Variants in PRKRIP1 observed in about 807,000 individuals in gnomAD.
The protein encoded by PRKRIP1 is PRKR interacting protein 1, also known as PRKR-interacting protein 1.
A neutral mutation model predicts 29.3 loss-of-function variants in PRKRIP1; 29 were observed. The observed-to-expected ratio is 0.99, with a 90% CI of 0.74 to 1.35. The LOEUF (loss-of-function observed/expected upper bound fraction) is 1.35, where lower values mean the gene tolerates loss of function less well. PRKRIP1 is among the 40% of genes most tolerant of loss of function. The probability of loss-of-function intolerance (pLI) is 0.00; values close to 1 mark genes in which losing one functional copy is unlikely to be tolerated. For missense variants in PRKRIP1, 247 were observed against 236.8 expected (o/e 1.04, Z -0.28); for synonymous variants, 90 against 85.1 (o/e 1.06, Z -0.32).
At chr7:102,414,903 T>A (rs1357079853) in intron 5 of PRKRIP1, among the ~76,000 whole-genome samples, 6 of 151,084 alleles carry the variant, frequency 4.0e-5, no homozygotes, top group South Asian at 4.2e-4. Flanking sequence ...AAAAAAAAAA[T>A]AATAATAAAG....
At chr7:102,419,282 C>A (rs530515061) in intron 5 of PRKRIP1, among the ~76,000 whole-genome samples, 1 of 151,946 alleles carries the variant, frequency 6.6e-6, no homozygotes, top group South Asian at 2.1e-4. Flanking sequence ...GGCACTGTGG[C>A]GGGCACCTGT....
At position 102,421,766 on chromosome 7, in the gene PRKRIP1, T is replaced by C. The variant is rs534540887; in HGVS notation, c.458-3248T>C. 1.2e-3 allele frequency among the ~76,000 whole-genome samples: 177 copies of C among 151,032 alleles called. 1 individual carries two copies. Among genetic ancestry groups the C allele is most frequent in the African/African-American group, 4.2e-3 (171 of 41,052 alleles). Reference sequence around the variant, plus strand: ...GAGCCAAGATCGCGCCACTGCCCTCTAGCCTGGTGACAGTGTGAGACCCCG... The same window carrying C: ...GAGCCAAGATCGCGCCACTGCCCTCCAGCCTGGTGACAGTGTGAGACCCCG... On this transcript the variant is annotated intron_variant, in intron 5 of 5. Transcript: ENST00000397912.
intron 3 of PRKRIP1, among the ~76,000 whole-genome samples, chr7:102,403,165 G>A (rs1213923600): frequency 6.6e-6 from 1 of 152,142 alleles, no homozygotes; most frequent in South Asian, 2.1e-4. Flanking sequence ...GTGAGCCACC[G>A]CACCCGGACT....
At chr7:102,408,938 C>T (rs1554572218) in intron 5 of PRKRIP1, among the ~76,000 whole-genome samples, 1 of 151,574 alleles carries the variant, frequency 6.6e-6, no homozygotes, top group Non-Finnish European at 1.5e-5. Flanking sequence ...CTTTGGGAAG[C>T]CAAGGCGAGT....
intron 5 of PRKRIP1, chr7:102,423,349 C>CAG: frequency 2.7e-6 from 1 of 367,862 alleles, no homozygotes; most frequent in South Asian, 2.0e-5. Context: ...CTCCTGACCT[C>CAG]GTGATCCATC....
At chr7:102,399,461 T>G (rs1164139780) in intron 2 of PRKRIP1, 87 bp from the exon 3 acceptor site, 2 of 1,067,290 alleles carry the variant, frequency 1.9e-6, no homozygotes, top group Non-Finnish European at 2.9e-6. Flanking sequence ...CGACTTCCAC[T>G]TTTTGTTTCT....
chr7:102,415,212 C>A (rs978901267), intron 5 of PRKRIP1, among the ~76,000 whole-genome samples: 1 of 152,166 alleles, frequency 6.6e-6, no homozygotes, highest in African/African-American at 2.4e-5. Context: ...CATTCCACCC[C>A]CCACGCACCC....
At chr7:102,418,976 A>T (rs1796622882) in intron 5 of PRKRIP1, among the ~76,000 whole-genome samples, 1 of 151,836 alleles carries the variant, frequency 6.6e-6, no homozygotes, top group African/African-American at 2.4e-5. Flanking sequence ...GATCACAGGC[A>T]TGAGCCACCA....
At chr7:102,424,931 T>C (rs1796794259) in intron 5 of PRKRIP1, 83 bp from the exon 6 acceptor site, 1 of 1,420,292 alleles carries the variant, frequency 7.0e-7, no homozygotes, top group African/African-American at 1.4e-5. Flanking sequence ...GACTTTTGAC[T>C]TCCCATCAGC....
At position 102,401,953 on chromosome 7, in the gene PRKRIP1, G is replaced by T. The variant is rs117971302; in HGVS notation, c.306+2305G>T. Among the ~76,000 whole-genome samples the T allele has an allele frequency of 3.4e-3, 525 of 152,272 alleles. 9 individuals are homozygous for T. The highest frequency in any genetic ancestry group is 0.025 in the Admixed American group (385 of 15,274). ...GCTCTGGAAACAGAATGGGGTCATT[G>T]TTGTGCTGGCTGTCAACTGATACTT... is the stretch of plus-strand genomic sequence containing the variant. On this transcript the variant is annotated intron_variant, in intron 3 of 5. Coordinates refer to ENST00000397912, the MANE Select transcript of PRKRIP1 (RefSeq NM_024653.4).
intron 5 of PRKRIP1, chr7:102,423,420 A>G (rs993632783): frequency 5.3e-5 from 16 of 300,790 alleles, no homozygotes; most frequent in Non-Finnish European, 1.0e-4. Flanking sequence ...GGCGCCTTAT[A>G]CGATTTCTGC....
At chr7:102,420,703 A>G (rs1414999680) in intron 5 of PRKRIP1, among the ~76,000 whole-genome samples, 8 of 152,188 alleles carry the variant, frequency 5.3e-5, no homozygotes, top group Admixed American at 3.3e-4. Flanking sequence ...TTAGTGAGAT[A>G]CAGGTTGAGC....
At chr7:102,404,537 C>A in intron 3 of PRKRIP1, 61 bp from the exon 4 acceptor site, 2 of 1,446,994 alleles carry the variant, frequency 1.4e-6, no homozygotes, top group Non-Finnish European at 1.9e-6. Flanking sequence ...TTTGCCTGAG[C>A]AAAACCTCCC....
rs782550392 is a variant in PRKRIP1, at chr7:102,425,200, G to A, written c.*89G>A. The A allele has an allele frequency of 2.0e-6, 3 of 1,532,040 alleles. No individual in the cohort carries two copies. The South Asian group carries it at 3.6e-5, about 18-fold the overall frequency. 94.9% of individuals were successfully genotyped at this position (1,532,040 alleles called of 1,614,324 possible). On this transcript the variant is annotated 3_prime_UTR_variant, in exon 6 of 6. Transcript: ENST00000397912. Reference sequence around the variant, plus strand: ...TGTTTGGCTCTTTCTCCCCCGCAAGGACCCGCTGACCCGCTGGATGGAGAG... The same window carrying A: ...TGTTTGGCTCTTTCTCCCCCGCAAGAACCCGCTGACCCGCTGGATGGAGAG...
At chr7:102,413,482 C>T (rs1446967151) in intron 5 of PRKRIP1, among the ~76,000 whole-genome samples, 1 of 152,148 alleles carries the variant, frequency 6.6e-6, no homozygotes, top group Non-Finnish European at 1.5e-5. Flanking sequence ...TAAAAGTTGG[C>T]TGGGCACAGT....
At chr7:102,420,403 A>G (rs1434968612) in intron 5 of PRKRIP1, among the ~76,000 whole-genome samples, 1 of 152,090 alleles carries the variant, frequency 6.6e-6, no homozygotes, top group African/African-American at 2.4e-5. Flanking sequence ...CCGTTTTTTG[A>G]ATTTGAGCCA....
intron 4 of PRKRIP1, 95 bp from the exon 5 acceptor site, chr7:102,407,339 C>A: frequency 1.4e-6 from 1 of 702,274 alleles, no homozygotes; most frequent in Non-Finnish European, 2.5e-6. Context: ...TTGTGTTATT[C>A]CGCAGGTTTT....
chr7:102,419,710 C>G (rs564174782), intron 5 of PRKRIP1, among the ~76,000 whole-genome samples: 1 of 152,270 alleles, frequency 6.6e-6, no homozygotes, highest in African/African-American at 2.4e-5. Flanking sequence ...TGCCCCATTC[C>G]TTTTGCCAAG....
Position 102,405,965 on chromosome 7 carries a change from A to C in PRKRIP1, c.392+1282A>C, listed in dbSNP as rs1471494835. The stretch of plus-strand genomic sequence containing the variant: ...TGGTTGTGGAAGTGCTTTCCCTGCA[A>C]AAAGTTGTCAAAGTGCTTGAAGAAG... On this transcript the variant is annotated intron_variant, in intron 4 of 5. Transcript: ENST00000397912. 1.0e-5 allele frequency: 3 copies of C among 288,334 alleles called. No individual in the cohort carries two copies. In the Admixed American group the frequency reaches 1.2e-4, roughly 11 times the overall value. The allele number at this position is 288,334 out of a possible 1,614,324, so 17.9% of individuals were successfully genotyped here. A position where few individuals can be genotyped will look rare whatever the true frequency, so the allele number is the denominator to read the frequency against.
Sources: gnomAD v4.1 joint callset for allele counts (sites outside exome capture counted in the v4.1 genomes callset) on GRCh38, gnomAD v4.1.1 for gene constraint, MANE v1.5 for transcripts, NCBI Gene and HGNC (gene_info 2026-07-23, HGNC 2026-07-21) for gene names.